The following PALMD variants were observed in gnomAD, a reference collection of about 807,000 sequenced individuals.
PALMD encodes the protein palmdelphin, also known as paralemmin-like protein.
Under a neutral mutation model 56.2 loss-of-function variants are expected in PALMD, and 42 were observed. The ratio of observed to expected loss-of-function variants is 0.75; its 90% CI spans 0.58 to 0.97. The LOEUF is 0.97. PALMD is among the 50% of genes least tolerant of loss of function. PALMD has a pLI of 0.00. For synonymous variants in PALMD, 242 were observed against 222.9 expected, an observed-to-expected ratio of 1.09 and a Z score of -0.76; for missense variants, 660 against 643.8, an observed-to-expected ratio of 1.03 and a Z score of -0.27.
intron 3 of PALMD, among the ~76,000 whole-genome samples, chr1:99,683,094 GAAAGAAAGAAAGAAAGAA>G (rs1557673945): frequency 2.2e-4 from 11 of 49,854 alleles, no homozygotes; most frequent in South Asian, 8.7e-4. Context: ...GAGAGAGAAA[GAAAGAAAGAAAGAAAGAA>G]AGAAAGAAAG....
intron 1 of PALMD, among the ~76,000 whole-genome samples, chr1:99,654,065 T>C (rs1250410275): frequency 6.6e-6 from 1 of 151,836 alleles, no homozygotes; most frequent in Non-Finnish European, 1.5e-5. Flanking sequence ...AAGAAAATAA[T>C]AAAAATAAAA....
intron 3 of PALMD, among the ~76,000 whole-genome samples, chr1:99,681,004 A>G (rs1300694636): frequency 6.6e-6 from 1 of 152,004 alleles, no homozygotes; most frequent in Non-Finnish European, 1.5e-5. Context: ...GCAACAGTTC[A>G]TGAAATGAAA....
chr1:99,657,515 CCTAA>C (rs3834028), intron 1 of PALMD, among the ~76,000 whole-genome samples: 1,633 of 152,286 alleles, frequency 0.011, 30 homozygotes, highest in African/African-American at 0.037. Flanking sequence ...TGTGCAGTGG[CCTAA>C]CTGAGTGTCC....
At chr1:99,684,127 C>A (rs1653434484) in intron 3 of PALMD, 1 of 152,122 alleles carries the variant, frequency 6.6e-6, no homozygotes, top group African/African-American at 2.4e-5. Context: ...CATACATCTG[C>A]AATATATACA....
At chr1:99,675,378 A>C (rs953169619) in intron 3 of PALMD, among the ~76,000 whole-genome samples, 1 of 152,200 alleles carries the variant, frequency 6.6e-6, no homozygotes, top group Non-Finnish European at 1.5e-5. Flanking sequence ...GTTTTTCTCT[A>C]CAATTTATTT....
intron 3 of PALMD, chr1:99,669,286 G>A (rs1046262068): frequency 6.6e-6 from 1 of 152,040 alleles, no homozygotes; most frequent in Admixed American, 6.6e-5. Context: ...TGAAATGTTT[G>A]CATTTATAAA....
At chr1:99,652,337 C>T (rs1001752563) in intron 1 of PALMD, among the ~76,000 whole-genome samples, 10 of 152,136 alleles carry the variant, frequency 6.6e-5, no homozygotes, top group Non-Finnish European at 1.5e-4. Flanking sequence ...GGCATGGTAG[C>T]TCATGTCTAT....
intron 3 of PALMD, among the ~76,000 whole-genome samples, chr1:99,681,414 A>G (rs936841324): frequency 2.0e-5 from 3 of 152,078 alleles, no homozygotes; most frequent in African/African-American, 7.2e-5. Context: ...TGAGTCCCTA[A>G]TTTAAGTCTT....
chr1:99,677,782 G>A (rs1042097027), intron 3 of PALMD, among the ~76,000 whole-genome samples: 1 of 152,122 alleles, frequency 6.6e-6, no homozygotes, highest in Admixed American at 6.6e-5. Flanking sequence ...AAAGGAGAAT[G>A]GACTGGGGAT....
Position 99,689,157 on chromosome 1 carries a change from T to G in PALMD, c.897T>G (p.Asn299Lys). Reference protein sequence around the residue: ...IKTNGLGIGVNESIHNMGNGL... With the variant: ...IKTNGLGIGVKESIHNMGNGL... ...CTAATGGACTGGGTATTGGTGTAAA[T>G]GAATCCATACACAATATGGGCAATG... The change falls in exon 7 of 8, where the codon AAT (asparagine) becomes AAG (lysine). Residue 299 changes from asparagine (N) to lysine (K), a missense_variant. Asn to Lys is a moderately conservative substitution (Grantham distance 94). Coordinates refer to ENST00000263174, the MANE Select transcript of PALMD (RefSeq NM_017734.5). 1 of 1,613,452 alleles carries G rather than the reference T, an allele frequency of 6.2e-7. No homozygotes were observed. The highest frequency in any genetic ancestry group is 8.5e-7 in the Non-Finnish European group (1 of 1,179,784).
chr1:99,671,466 C>T (rs950686512), intron 3 of PALMD, among the ~76,000 whole-genome samples: 1 of 152,132 alleles, frequency 6.6e-6, no homozygotes, highest in African/African-American at 2.4e-5. Flanking sequence ...GTGCCTGACA[C>T]ATGGAGGTGT....
At chr1:99,675,017 C>T (rs1465368072) in intron 3 of PALMD, among the ~76,000 whole-genome samples, 1 of 152,226 alleles carries the variant, frequency 6.6e-6, no homozygotes, top group African/African-American at 2.4e-5. Flanking sequence ...CTTTTGTCTG[C>T]CATAAGGCAA....
intron 1 of PALMD, among the ~76,000 whole-genome samples, chr1:99,649,769 G>A (rs1454592159): frequency 6.6e-6 from 1 of 152,154 alleles, no homozygotes; most frequent in Non-Finnish European, 1.5e-5. Flanking sequence ...ACTGTCTTGC[G>A]ATCATAGACT....
At chr1:99,671,518 TAGA>T (rs1441983586) in intron 3 of PALMD, among the ~76,000 whole-genome samples, 1 of 152,178 alleles carries the variant, frequency 6.6e-6, no homozygotes, top group Non-Finnish European at 1.5e-5. Flanking sequence ...AAGGTGAAAT[TAGA>T]AGAACAACAC....
intron 3 of PALMD, among the ~76,000 whole-genome samples, chr1:99,676,355 T>C (rs984016634): frequency 9.9e-5 from 15 of 152,200 alleles, no homozygotes; most frequent in African/African-American, 3.6e-4. Flanking sequence ...CTACTGTCTA[T>C]GCACTGAATT....
intron 3 of PALMD, among the ~76,000 whole-genome samples, chr1:99,678,838 G>C (rs183732957): frequency 6.6e-6 from 1 of 152,176 alleles, no homozygotes; most frequent in Admixed American, 6.5e-5. Context: ...AAAAGAAACT[G>C]GATCCAGCTG....
chr1:99,684,179 A>G (rs1251673443), intron 3 of PALMD: 1 of 152,236 alleles, frequency 6.6e-6, no homozygotes, highest in African/African-American at 2.4e-5. Flanking sequence ...TTGACAAACT[A>G]TGGCCCAGGA....
chr1:99,664,641 A>G (rs1652920400), intron 2 of PALMD, among the ~76,000 whole-genome samples: 1 of 152,216 alleles, frequency 6.6e-6, no homozygotes, highest in South Asian at 2.1e-4. Context: ...AACAGCAACA[A>G]GGCATAATTC....
chr1:99,681,109 G>A (rs77943761), intron 3 of PALMD, among the ~76,000 whole-genome samples: 79,421 of 133,220 alleles, frequency 0.6, 21,357 homozygotes, highest in Non-Finnish European at 0.62. Flanking sequence ...GTATATATGT[G>A]TGTGTGTGTG....
Sources: gnomAD v4.1 joint callset for allele counts (sites outside exome capture counted in the v4.1 genomes callset) on GRCh38, gnomAD v4.1.1 for gene constraint, MANE v1.5 for transcripts, NCBI Gene and HGNC (gene_info 2026-07-23, HGNC 2026-07-21) for gene names.